Variants in TANC2 observed in about 807,000 individuals in gnomAD.
TANC2 encodes tetratricopeptide repeat, ankyrin repeat and coiled-coil containing 2, also known as protein TANC2.
A neutral mutation model predicts 210.5 loss-of-function variants in TANC2; 26 were observed. The ratio of observed to expected loss-of-function variants is 0.12; its 90% CI spans 0.09 to 0.17. The LOEUF is 0.17. TANC2 is among the 10% of genes least tolerant of loss of function. The pLI is 1.00. For missense variants in TANC2, 2,129 were observed against 2,608.9 expected (o/e 0.82, Z 4.01); for synonymous variants, 931 against 967.1 (o/e 0.96, Z 0.69).
At chr17:63,107,848 G>A (rs1197726409) in intron 4 of TANC2, among the ~76,000 whole-genome samples, 4 of 151,702 alleles carry the variant, frequency 2.6e-5, no homozygotes, top group African/African-American at 9.8e-5. Flanking sequence ...GAATGCTTAA[G>A]GGTATAGGGT....
chr17:63,013,385 C>G (rs914875547), intron 2 of TANC2, among the ~76,000 whole-genome samples: 2 of 152,106 alleles, frequency 1.3e-5, no homozygotes, highest in African/African-American at 4.8e-5. Context: ...TAAAGGCAAC[C>G]TGCCACTTTT....
At chr17:63,321,505 T>C (rs1020645851) in intron 11 of TANC2, among the ~76,000 whole-genome samples, 10 of 152,318 alleles carry the variant, frequency 6.6e-5, no homozygotes, top group African/African-American at 1.9e-4. Context: ...AGCTTGACCA[T>C]AGAACATTAA....
chr17:63,358,820 A>G (rs893956939), intron 14 of TANC2, among the ~76,000 whole-genome samples: 4 of 152,182 alleles, frequency 2.6e-5, no homozygotes, highest in Non-Finnish European at 5.9e-5. Flanking sequence ...CGGAGCTACC[A>G]GCCTTGTGGT....
Position 63,216,246 on chromosome 17 carries a change from A to C in TANC2, c.769+15289A>C, listed in dbSNP as rs1336801862. On this transcript the variant is annotated intron_variant, in intron 7 of 27. Coordinates refer to ENST00000689528, the Ensembl canonical transcript of TANC2. ...GTATTTTTAGTAGAGACGGGGTTTC[A>C]CCATGTTGGCCAGGCTGGTCTGGAA... 3.3e-5 allele frequency among the ~76,000 whole-genome samples: 5 copies of C among 151,412 alleles called. No individual in the cohort carries two copies. In the East Asian group the frequency reaches 9.8e-4, roughly 30 times the overall value.
chr17:63,202,044 A>G (rs1011830537), intron 7 of TANC2, among the ~76,000 whole-genome samples: 6 of 152,154 alleles, frequency 3.9e-5, no homozygotes, highest in Admixed American at 1.3e-4. Context: ...ACACTGTTCT[A>G]ATGCTCTTCT....
intron 15 of TANC2, chr17:63,381,288 G>A (rs1367619105): frequency 1.3e-5 from 2 of 152,160 alleles, no homozygotes; most frequent in African/African-American, 4.8e-5. Flanking sequence ...CAGCATGGTT[G>A]CCTGAGATAA....
chr17:63,275,035 G>A (rs1178864967), intron 9 of TANC2, among the ~76,000 whole-genome samples: 1 of 152,102 alleles, frequency 6.6e-6, no homozygotes, highest in Non-Finnish European at 1.5e-5. Context: ...TCTTATGATG[G>A]ATTATATAAA....
intron 4 of TANC2, among the ~76,000 whole-genome samples, chr17:63,129,927 A>T (rs2038856959): frequency 6.6e-6 from 1 of 152,062 alleles, no homozygotes; most frequent in Non-Finnish European, 1.5e-5. Flanking sequence ...GAAGTATGTG[A>T]TAGATTTACT....
intron 3 of TANC2, among the ~76,000 whole-genome samples, chr17:63,078,899 G>C (rs1393323063): frequency 6.6e-6 from 1 of 152,200 alleles, no homozygotes; most frequent in African/African-American, 2.4e-5. Flanking sequence ...ATGTCAACCT[G>C]ATCACGTTGA....
chr17:63,129,681 A>G (rs2038846765), intron 4 of TANC2, among the ~76,000 whole-genome samples: 1 of 152,216 alleles, frequency 6.6e-6, no homozygotes, highest in Non-Finnish European at 1.5e-5. Flanking sequence ...TTGGCTTCAT[A>G]TCTATAGTAT....
At chr17:63,395,755 G>A (rs906902782) in exon 18 of TANC2, 4 of 1,613,202 alleles carry the variant, frequency 2.5e-6, no homozygotes, top group Non-Finnish European at 3.4e-6. Context: ...GGATCATTTG[G>A]ATAAGAACGG....
At chr17:63,391,569 TA>T (rs2047975266) in intron 17 of TANC2, 1 of 152,130 alleles carries the variant, frequency 6.6e-6, no homozygotes, top group Non-Finnish European at 1.5e-5. Flanking sequence ...TAGTGCCTAA[TA>T]AATAGTATCT....
chr17:63,026,824 T>C (rs2034573553), intron 2 of TANC2, among the ~76,000 whole-genome samples: 1 of 152,172 alleles, frequency 6.6e-6, no homozygotes, highest in South Asian at 2.1e-4. Context: ...AGAACAATTT[T>C]AAATGTTACA....
chr17:63,391,120 T>C (rs956540582), intron 17 of TANC2: 2 of 152,174 alleles, frequency 1.3e-5, no homozygotes, highest in African/African-American at 2.4e-5. Context: ...TCATTCTTTT[T>C]CTAAATTCAC....
At chr17:63,156,365 C>T (rs999015716) in intron 5 of TANC2, among the ~76,000 whole-genome samples, 4 of 151,540 alleles carry the variant, frequency 2.6e-5, no homozygotes, top group Non-Finnish European at 5.9e-5. Flanking sequence ...CAGTTGGTAA[C>T]CTCCCTTGCA....
intron 1 of TANC2, among the ~76,000 whole-genome samples, chr17:63,002,941 A>G (rs983954566): frequency 2.0e-5 from 3 of 152,184 alleles, no homozygotes; most frequent in Non-Finnish European, 4.4e-5. Context: ...TTGTTGTACT[A>G]GTCTTTTCAT....
chr17:63,016,657 A>G (rs2034123583), intron 2 of TANC2, among the ~76,000 whole-genome samples: 1 of 152,180 alleles, frequency 6.6e-6, no homozygotes, highest in Non-Finnish European at 1.5e-5. Context: ...CAGTGGCTGC[A>G]CACTTAATAT....
intron 2 of TANC2, among the ~76,000 whole-genome samples, chr17:63,027,571 A>T (rs2034604922): frequency 6.6e-6 from 1 of 152,072 alleles, no homozygotes; most frequent in South Asian, 2.1e-4. Flanking sequence ...GTGCTTTTGC[A>T]AATTTATGGT....
At chr17:63,179,704 G>GTTCAATGTCAA (rs2040713149) in intron 5 of TANC2, among the ~76,000 whole-genome samples, 1 of 151,946 alleles carries the variant, frequency 6.6e-6, no homozygotes, top group Non-Finnish European at 1.5e-5. Flanking sequence ...CTTTTTCCCT[G>GTTCAATGTCAA]ACTCTACTGT....
Sources: gnomAD v4.1 joint callset for allele counts (sites outside exome capture counted in the v4.1 genomes callset) on GRCh38, gnomAD v4.1.1 for gene constraint, MANE v1.5 for transcripts, NCBI Gene and HGNC (gene_info 2026-07-23, HGNC 2026-07-21) for gene names.